CSGALNACT1: variants seen among roughly 807,000 people sequenced by gnomAD.
The protein encoded by CSGALNACT1 is beta4GalNAcT-1.
Under a neutral mutation model 51.0 loss-of-function variants are expected in CSGALNACT1, and 52 were observed. The ratio of observed to expected loss-of-function variants is 1.02; its 90% CI spans 0.82 to 1.29. CSGALNACT1 has a LOEUF of 1.29. Among genes scored for constraint, CSGALNACT1 ranks in the 50% most tolerant of loss-of-function variants. The pLI, the probability that CSGALNACT1 is intolerant of heterozygous loss-of-function variation, is 0.00. For missense variants in CSGALNACT1, 935 were observed against 679.2 expected (o/e 1.38, Z -4.19); for synonymous variants, 341 against 254.4 (o/e 1.34, Z -3.24).
At chr8:19,689,513 G>C (rs1195307157) in intron 1 of CSGALNACT1, among the ~76,000 whole-genome samples, 9 of 152,176 alleles carry the variant, frequency 5.9e-5, no homozygotes, top group African/African-American at 2.2e-4. Flanking sequence ...CCACTGTTTT[G>C]AAGAGGTTTG....
intron 7 of CSGALNACT1, 90 bp downstream of exon 6, chr8:19,420,250 G>A (rs2057697373): frequency 8.7e-7 from 1 of 1,151,546 alleles, no homozygotes; most frequent in South Asian, 1.2e-5. Context: ...TCAGAAGCAG[G>A]ACATCAGAGT....
At chr8:19,682,537 C>G (rs1036120941) in exon 1 of CSGALNACT1, 1 of 425,968 alleles carries the variant, frequency 2.3e-6, no homozygotes, top group Non-Finnish European at 4.8e-6. Flanking sequence ...TGGTCTTTCC[C>G]GGTCTTTGCT....
chr8:19,658,991 T>A (rs78519523), intron 1 of CSGALNACT1, among the ~76,000 whole-genome samples: 105 of 152,270 alleles, frequency 6.9e-4, no homozygotes, highest in Non-Finnish European at 1.2e-3. Context: ...ACCAGCTTCA[T>A]AAATGTTTTT....
chr8:19,639,456 G>C (rs958927516), intron 1 of CSGALNACT1, among the ~76,000 whole-genome samples: 4 of 152,192 alleles, frequency 2.6e-5, no homozygotes, highest in Non-Finnish European at 5.9e-5. Context: ...AGAAGCCAAA[G>C]AGTTGCTAAA....
At chr8:19,430,869 T>C (rs2059554343) in intron 6 of CSGALNACT1, among the ~76,000 whole-genome samples, 2 of 152,190 alleles carry the variant, frequency 1.3e-5, no homozygotes, top group African/African-American at 4.8e-5. Flanking sequence ...CAAAGTTGTG[T>C]TGTAGTTTTC....
chr8:19,609,469 G>A (rs569534708), intron 1 of CSGALNACT1, among the ~76,000 whole-genome samples: 1 of 151,394 alleles, frequency 6.6e-6, no homozygotes, highest in Admixed American at 6.6e-5. Context: ...AGCAAGACAA[G>A]GATAAACAGT....
chr8:19,609,131 A>G (rs1178554965), intron 1 of CSGALNACT1, among the ~76,000 whole-genome samples: 1 of 151,900 alleles, frequency 6.6e-6, no homozygotes, highest in Admixed American at 6.6e-5. Flanking sequence ...TATTTATATA[A>G]TTAAATTTAT....
intron 4 of CSGALNACT1, among the ~76,000 whole-genome samples, chr8:19,493,651 G>T (rs926284752): frequency 2.6e-5 from 4 of 152,144 alleles, no homozygotes; most frequent in Non-Finnish European, 5.9e-5. Flanking sequence ...GACCATTTAT[G>T]CTGCAGCATG....
At position 19,415,705 on chromosome 8, in the gene CSGALNACT1, T is replaced by C. The variant is rs112905340; in HGVS notation, c.1227+2951A>G. On this transcript the variant is annotated intron_variant, in intron 8 of 9. Transcript: ENST00000454498. ...GGTCTTTATGAATTTGAAATGGAAATGTTAATCACATTCTATGTCAAATGC... is the reference window on the plus strand; with the variant it reads ...GGTCTTTATGAATTTGAAATGGAAACGTTAATCACATTCTATGTCAAATGC... Among the ~76,000 whole-genome samples the C allele has an allele frequency of 5.0e-3, 757 of 152,366 alleles. 4 individuals carry two copies. Among genetic ancestry groups the C allele is most frequent in the Non-Finnish European group, 8.6e-3 (585 of 68,026 alleles).
In CSGALNACT1 at chr8:19,526,546, G is replaced by T. The variant is rs533896397; in HGVS notation, c.-296-20416C>A. Among the ~76,000 whole-genome samples the T allele has an allele frequency of 2.1e-3, 318 of 152,192 alleles. 2 individuals are homozygous for T. Among genetic ancestry groups the T allele is most frequent in the African/African-American group, 7.4e-3 (308 of 41,528 alleles). Reference sequence around the variant, plus strand: ...TGCAGTGAGCCAAGATTGTGCCACTGCACTCCAGCTTGGTGACAGAGCGAG... The same window carrying T: ...TGCAGTGAGCCAAGATTGTGCCACTTCACTCCAGCTTGGTGACAGAGCGAG... On this transcript the variant is annotated intron_variant, in intron 3 of 9. Transcript: ENST00000454498.
chr8:19,454,554 C>G (rs1169448832), intron 5 of CSGALNACT1, among the ~76,000 whole-genome samples: 1 of 152,072 alleles, frequency 6.6e-6, no homozygotes, highest in Non-Finnish European at 1.5e-5. Flanking sequence ...GCCTGTAATC[C>G]CAGCTACTCG....
At chr8:19,625,038 A>G (rs1482821914) in intron 1 of CSGALNACT1, among the ~76,000 whole-genome samples, 1 of 152,204 alleles carries the variant, frequency 6.6e-6, no homozygotes, top group African/African-American at 2.4e-5. Context: ...GATGCAGAGG[A>G]ACAAAAGATA....
At chr8:19,679,563 T>G (rs376519724) in intron 1 of CSGALNACT1, among the ~76,000 whole-genome samples, 1 of 152,186 alleles carries the variant, frequency 6.6e-6, no homozygotes, top group Non-Finnish European at 1.5e-5. Flanking sequence ...ATGCTGACAA[T>G]GCTGATCAAA....
chr8:19,433,669 G>A (rs984104074), intron 6 of CSGALNACT1, among the ~76,000 whole-genome samples: 11 of 152,176 alleles, frequency 7.2e-5, no homozygotes, highest in African/African-American at 2.7e-4. Context: ...AGTTCAAATA[G>A]TGACAACTCT....
At chr8:19,752,197 T>C (rs2065081969) in intron 1 of CSGALNACT1, among the ~76,000 whole-genome samples, 1 of 148,434 alleles carries the variant, frequency 6.7e-6, no homozygotes, top group African/African-American at 2.4e-5. Flanking sequence ...TAATATATAC[T>C]ATATATCTTA....
intron 5 of CSGALNACT1, among the ~76,000 whole-genome samples, chr8:19,453,897 G>C (rs1280295818): frequency 6.9e-6 from 1 of 144,306 alleles, no homozygotes; most frequent in East Asian, 2.4e-4. Context: ...GGGTGACAGA[G>C]TGATACTCCT....
intron 1 of CSGALNACT1, among the ~76,000 whole-genome samples, chr8:19,653,636 G>C (rs1365774339): frequency 6.6e-6 from 1 of 151,860 alleles, no homozygotes; most frequent in Non-Finnish European, 1.5e-5. Flanking sequence ...TCTACAAAAA[G>C]TTAAAAAAAT....
intron 3 of CSGALNACT1, among the ~76,000 whole-genome samples, chr8:19,563,076 A>G (rs1464490333): frequency 6.6e-6 from 1 of 152,236 alleles, no homozygotes; most frequent in Non-Finnish European, 1.5e-5. Flanking sequence ...GTACATACAC[A>G]CCATGGAATA....
At chr8:19,712,646 C>T (rs73202505) in intron 1 of CSGALNACT1, among the ~76,000 whole-genome samples, 2,265 of 152,260 alleles carry the variant, frequency 0.015, 28 homozygotes, top group South Asian at 0.044. Context: ...ACCGCCATTA[C>T]ACAAAAGAAA....
Sources: gnomAD v4.1 joint callset for allele counts (sites outside exome capture counted in the v4.1 genomes callset) on GRCh38, gnomAD v4.1.1 for gene constraint, MANE v1.5 for transcripts, NCBI Gene and HGNC (gene_info 2026-07-23, HGNC 2026-07-21) for gene names.